Variants in ENO4 observed in about 807,000 individuals in gnomAD.
ENO4 encodes enolase 4.
A neutral mutation model predicts 63.2 loss-of-function variants in ENO4; 53 were observed. That is an observed-to-expected ratio of 0.84 (90% confidence interval 0.67 to 1.05). The LOEUF (loss-of-function observed/expected upper bound fraction) is 1.05, where lower values mean the gene tolerates loss of function less well. Among genes scored for constraint, ENO4 ranks in the 50% least tolerant of loss-of-function variants. The pLI, the probability that ENO4 is intolerant of heterozygous loss-of-function variation, is 0.00. For missense variants in ENO4, 719 were observed against 772.0 expected (o/e 0.93, Z 0.81); for synonymous variants, 266 against 283.8 (o/e 0.94, Z 0.63).
chr10:116,855,870 A>ACAAACAC, intron 2 of ENO4, 119 bp downstream of exon 2: 1 of 1,156,860 alleles, frequency 8.6e-7, no homozygotes, highest in Non-Finnish European at 1.2e-6. Flanking sequence ...AATATATTTC[A>ACAAACAC]TAGGTAGTCA....
At chr10:116,873,579 C>A (rs780215436) in intron 9 of ENO4, among the ~76,000 whole-genome samples, 3 of 152,168 alleles carry the variant, frequency 2.0e-5, no homozygotes, top group African/African-American at 7.2e-5. Flanking sequence ...AAATAAATCA[C>A]ATTATTTTTC....
intron 10 of ENO4, chr10:116,902,052 G>A: frequency 9.1e-7 from 1 of 1,096,674 alleles, no homozygotes; most frequent in Admixed American, 3.4e-5. Flanking sequence ...CCCTCAAGAA[G>A]TGAAAAGGCC....
intron 8 of ENO4, among the ~76,000 whole-genome samples, chr10:116,870,686 T>C (rs944714483): frequency 6.6e-6 from 1 of 152,164 alleles, no homozygotes; most frequent in African/African-American, 2.4e-5. Flanking sequence ...GGCTATGCTT[T>C]TAATGGCTGC....
intron 8 of ENO4, among the ~76,000 whole-genome samples, chr10:116,870,924 C>G (rs1007316158): frequency 6.6e-6 from 1 of 152,068 alleles, no homozygotes; most frequent in African/African-American, 2.4e-5. Flanking sequence ...ACTTGGAAAC[C>G]TCAGGAGTAA....
chr10:116,877,983 G>A (rs1380653706), intron 11 of ENO4, among the ~76,000 whole-genome samples: 2 of 152,102 alleles, frequency 1.3e-5, no homozygotes, highest in Non-Finnish European at 2.9e-5. Flanking sequence ...GACATACTTG[G>A]CTCTGCATCC....
chr10:116,859,887 G>T (rs530138291), intron 4 of ENO4, among the ~76,000 whole-genome samples: 1 of 152,276 alleles, frequency 6.6e-6, no homozygotes, highest in South Asian at 2.1e-4. Flanking sequence ...TTATTTCATA[G>T]ATCCAGATGC....
At chr10:116,896,623 T>C (rs1318148310) in intron 10 of ENO4, among the ~76,000 whole-genome samples, 4 of 152,180 alleles carry the variant, frequency 2.6e-5, no homozygotes, top group Admixed American at 6.5e-5. Flanking sequence ...ATGTTGAATA[T>C]AGTGGTGATT....
rs1271675350 is a variant in ENO4 at position 116,876,186 on chromosome 10, C to T, written c.1463C>T (p.Ser488Phe). ...CAAGGAAACATCAGCATCCCCAAAT[C>T]CAATGGGCTGATCATAAAACACACA... Reference protein sequence around the residue: ...LEQGNISIPKSNGLIIKHTNQ... With the variant: ...LEQGNISIPKFNGLIIKHTNQ... Residue 488 changes from serine (S) to phenylalanine (F), a missense_variant, in exon 11 of 14, where the codon TCC becomes TTC. Physicochemically the swap from Ser to Phe is radical, Grantham distance 155 (BLOSUM62 -2). This residue lies in a region of ENO4 where 7 missense variants were observed against 25.1 expected (regional missense o/e 0.28). Transcript: ENST00000341276. 6.4e-7 allele frequency: 1 copy of T among 1,550,586 alleles called. No homozygotes were observed. Among genetic ancestry groups the T allele is most frequent in the African/African-American group, 1.4e-5 (1 of 73,166 alleles).
intron 10 of ENO4, among the ~76,000 whole-genome samples, chr10:116,905,158 C>T (rs986039612): frequency 2.0e-5 from 3 of 148,532 alleles, no homozygotes; most frequent in Non-Finnish European, 3.0e-5. Flanking sequence ...GCCGAGATTG[C>T]GCCACTGCAG....
At chr10:116,871,023 C>A in intron 8 of ENO4, 102 bp from the exon 9 acceptor site, 1 of 996,162 alleles carries the variant, frequency 1.0e-6, no homozygotes, top group Non-Finnish European at 1.5e-6. Context: ...AAGGACTGAT[C>A]TTTGCAGAGC....
rs1364548245 is a variant in ENO4, at chr10:116,905,136, A to G, written c.1195-6363A>G. 6.1e-5 allele frequency among the ~76,000 whole-genome samples: 9 copies of G among 147,914 alleles called. No homozygotes were observed. The East Asian group carries it at 1.8e-3, about 30-fold the overall frequency. On this transcript the variant is annotated intron_variant, in intron 10 of 10. Coordinates refer to the ENO4 transcript ENST00000369207. ...GAATGGCGTTGAACCCGGGAAGCGG[A>G]GCTTGCAGTGAGCCGAGATTGCGCC...
chr10:116,881,646 G>GA lies in ENO4; in HGVS notation c.1858dup (p.Thr620AsnfsTer27). On this transcript the variant is annotated frameshift_variant, in exon 14 of 14. Coordinates refer to ENST00000341276, the MANE Select transcript of ENO4 (RefSeq NM_001242699.2). LOFTEE classifies it low-confidence loss of function (END_TRUNC). Reference sequence around the variant, plus strand: ...CACACAAGGTGTAGAGGAATCAGCCGAAACAGGAGCATCCTCTGGATAGGG... The same window carrying GA: ...CACACAAGGTGTAGAGGAATCAGCCGAAAACAGGAGCATCCTCTGGATAGGG... 1 of 1,546,780 alleles carries GA rather than the reference G, an allele frequency of 6.5e-7. No homozygotes were observed. Among genetic ancestry groups the GA allele is most frequent in the Non-Finnish European group, 8.7e-7 (1 of 1,145,302 alleles).
chr10:116,875,561 T>TCACACACACACACACACACACA (rs56000218), intron 10 of ENO4, among the ~76,000 whole-genome samples: 342 of 148,008 alleles, frequency 2.3e-3, no homozygotes, highest in East Asian at 6.8e-3. Context: ...TCCAGGCTGG[T>TCACACACACACACACACACACA]CACACACACA....
At chr10:116,854,279 G>C (rs1476116063) in intron 1 of ENO4, among the ~76,000 whole-genome samples, 1 of 152,150 alleles carries the variant, frequency 6.6e-6, no homozygotes. Flanking sequence ...GAGCCCATGT[G>C]CCGGGCGCGG....
chr10:116,879,489 T>A, intron 12 of ENO4, 131 bp downstream of exon 12: 1 of 693,536 alleles, frequency 1.4e-6, no homozygotes, highest in Non-Finnish European at 2.3e-6. Context: ...CCCAGATAGC[T>A]ACCTTTTGCA....
At chr10:116,873,798 C>T in intron 9 of ENO4, 1 of 860,232 alleles carries the variant, frequency 1.2e-6, no homozygotes, top group Non-Finnish European at 1.4e-6. Context: ...TATTCCCCTC[C>T]TACTCTGTAA....
At chr10:116,886,322 T>C (rs1357625567), downstream of ENO4, 35 of 1,552,074 alleles carry the variant, frequency 2.3e-5, no homozygotes, top group Non-Finnish European at 3.0e-5. Context: ...CTTCCAAACA[T>C]GTCAGGCTTC....
At position 116,856,440 on chromosome 10, in the gene ENO4, C is replaced by G. The variant is rs574389793; in HGVS notation, c.295-52C>G. ...TTAAAAGCTGGATTCATTTAATTTC[C>G]TCTTTCTGGGAGAGGTAGGGAAAGT... On this transcript the variant is annotated intron_variant, in intron 2 of 13. Coordinates refer to ENST00000341276, the MANE Select transcript of ENO4 (RefSeq NM_001242699.2). 38 of 1,421,388 alleles carry G rather than the reference C, an allele frequency of 2.7e-5. No individual in the cohort carries two copies. In the East Asian group the frequency reaches 8.1e-4, roughly 30 times the overall value. 88.0% of individuals were successfully genotyped at this position (1,421,388 alleles called of 1,614,324 possible). A position where few individuals can be genotyped will look rare whatever the true frequency, so the allele number is the denominator to read the frequency against.
chr10:116,899,550 AGAGT>A (rs988617732), intron 10 of ENO4, among the ~76,000 whole-genome samples: 1 of 45,028 alleles, frequency 2.2e-5, no homozygotes, highest in African/African-American at 5.4e-5. Flanking sequence ...TGTGTGTGAG[AGAGT>A]GCATGCATAC....
Sources: gnomAD v4.1 joint callset for allele counts (sites outside exome capture counted in the v4.1 genomes callset) on GRCh38, gnomAD v4.1.1 for gene constraint, gnomAD v4.1.1 regional missense constraint, MANE v1.5 for transcripts, NCBI Gene and HGNC (gene_info 2026-07-23, HGNC 2026-07-21) for gene names.